The following KCNMA1 variants were observed in gnomAD, a reference collection of about 807,000 sequenced individuals.
KCNMA1 encodes the protein Calcium-activated potassium channel subunit alpha-1.
KCNMA1 carries 29 observed loss-of-function variants against 140.0 expected under a neutral mutation model. That is an observed-to-expected ratio of 0.21 (90% CI 0.15 to 0.28). KCNMA1 has a LOEUF of 0.28. KCNMA1 is among the 10% of genes least tolerant of loss of function. The probability of loss-of-function intolerance (pLI) is 1.00; values close to 1 mark genes in which losing one functional copy is unlikely to be tolerated. For synonymous variants in KCNMA1, 612 were observed against 611.9 expected, an observed-to-expected ratio of 1.00 and a Z score of 0.00; for missense variants, 880 against 1,602.2, an observed-to-expected ratio of 0.55 and a Z score of 7.70.
At chr10:77,286,502 G>A (rs1258732048) in intron 2 of KCNMA1, among the ~76,000 whole-genome samples, 1 of 152,138 alleles carries the variant, frequency 6.6e-6, no homozygotes, top group African/African-American at 2.4e-5. Flanking sequence ...CATCTCTCAC[G>A]TTGTTATCTA....
chr10:77,246,538 G>A (rs984847827), intron 3 of KCNMA1, among the ~76,000 whole-genome samples: 2 of 152,156 alleles, frequency 1.3e-5, no homozygotes, highest in Non-Finnish European at 2.9e-5. Context: ...AACTAAACCA[G>A]TTCTGCTAAA....
chr10:77,127,844 T>C (rs546680288), intron 5 of KCNMA1, among the ~76,000 whole-genome samples: 5 of 152,052 alleles, frequency 3.3e-5, no homozygotes, highest in Non-Finnish European at 5.9e-5. Flanking sequence ...TGTGGTGGTA[T>C]GTGCCTGTAA....
chr10:77,353,343 G>C (rs1267976815), intron 2 of KCNMA1, among the ~76,000 whole-genome samples: 4 of 152,008 alleles, frequency 2.6e-5, no homozygotes, highest in Non-Finnish European at 5.9e-5. Context: ...GCTCAAGAAG[G>C]ATCATATTGG....
chr10:77,503,581 A>G (rs1350348752), intron 1 of KCNMA1, among the ~76,000 whole-genome samples: 1 of 152,238 alleles, frequency 6.6e-6, no homozygotes, highest in African/African-American at 2.4e-5. Context: ...TATTTTGCCA[A>G]ATGAATTTCT....
chr10:77,079,824 G>A (rs2096518537), intron 12 of KCNMA1: 2 of 511,676 alleles, frequency 3.9e-6, no homozygotes, highest in South Asian at 2.0e-5. Context: ...ATAACCTCTA[G>A]GCCCTAGAAC....
intron 2 of KCNMA1, among the ~76,000 whole-genome samples, chr10:77,305,597 A>G (rs984077441): frequency 6.6e-6 from 1 of 152,182 alleles, no homozygotes; most frequent in Non-Finnish European, 1.5e-5. Flanking sequence ...TAGCTTACGG[A>G]AAGGACAGGC....
At chr10:77,124,633 T>C (rs1002710663) in intron 5 of KCNMA1, among the ~76,000 whole-genome samples, 3 of 152,074 alleles carry the variant, frequency 2.0e-5, no homozygotes, top group Admixed American at 1.3e-4. Context: ...TGAACAAGGG[T>C]GGCCTTTGCT....
intron 17 of KCNMA1, among the ~76,000 whole-genome samples, chr10:77,017,460 C>T (rs546404565): frequency 5.3e-5 from 8 of 152,268 alleles, no homozygotes; most frequent in South Asian, 4.1e-4. Context: ...CTTGAACAAC[C>T]GGGAGATTCT....
chr10:76,927,486 T>C (rs148296014), intron 23 of KCNMA1, among the ~76,000 whole-genome samples: 4 of 152,326 alleles, frequency 2.6e-5, no homozygotes, highest in East Asian at 1.9e-4. Context: ...ATCTCGGGCA[T>C]TGTGGGCTTT....
chr10:77,387,687 G>A (rs573724069), intron 2 of KCNMA1, among the ~76,000 whole-genome samples: 33 of 147,014 alleles, frequency 2.2e-4, no homozygotes, highest in African/African-American at 7.8e-4. Context: ...GCGTGATCTC[G>A]GCTCACTGCA....
chr10:77,418,883 T>C (rs916774581), intron 1 of KCNMA1, among the ~76,000 whole-genome samples: 4 of 152,240 alleles, frequency 2.6e-5, no homozygotes, highest in Non-Finnish European at 5.9e-5. Context: ...TCATTCAGAC[T>C]TCTCCAGGGG....
At chr10:77,584,468 C>G (rs1475692797) in intron 1 of KCNMA1, among the ~76,000 whole-genome samples, 1 of 152,196 alleles carries the variant, frequency 6.6e-6, no homozygotes, top group South Asian at 2.1e-4. Flanking sequence ...AATTCTCCTG[C>G]CTCAGCCTCC....
intron 2 of KCNMA1, among the ~76,000 whole-genome samples, chr10:77,286,280 G>A (rs2154302081): frequency 6.6e-6 from 1 of 152,070 alleles, no homozygotes; most frequent in East Asian, 1.9e-4. Context: ...CCTCGATCTT[G>A]TCACCCCAAC....
chr10:77,285,607 T>G (rs1241552428), intron 2 of KCNMA1, among the ~76,000 whole-genome samples: 1 of 152,142 alleles, frequency 6.6e-6, no homozygotes, highest in Non-Finnish European at 1.5e-5. Flanking sequence ...TCCCCCACCA[T>G]AAACTCAATT....
chr10:77,515,904 C>T (rs1218752417), intron 1 of KCNMA1, among the ~76,000 whole-genome samples: 1 of 152,182 alleles, frequency 6.6e-6, no homozygotes, highest in African/African-American at 2.4e-5. Flanking sequence ...ACTTGATTGA[C>T]CCTCACTAGC....
intron 1 of KCNMA1, chr10:77,636,124 T>A: frequency 5.8e-6 from 6 of 1,036,448 alleles, no homozygotes; most frequent in Non-Finnish European, 7.9e-6. Flanking sequence ...GGATTTCCCT[T>A]CCCTCCAAAA....
At chr10:76,993,379 C>T (rs2083309967) in intron 19 of KCNMA1, among the ~76,000 whole-genome samples, 1 of 152,196 alleles carries the variant, frequency 6.6e-6, no homozygotes, top group African/African-American at 2.4e-5. Flanking sequence ...AAGAAGGAAA[C>T]TCTAGCAAAC....
At chr10:77,012,242 T>C in intron 17 of KCNMA1, 199 bp from the exon 18 acceptor site, 1 of 1,469,058 alleles carries the variant, frequency 6.8e-7, no homozygotes, top group Non-Finnish European at 9.0e-7. Flanking sequence ...TTCTGTGATT[T>C]GAGTTAGTGC....
intron 2 of KCNMA1, among the ~76,000 whole-genome samples, chr10:77,347,064 G>C (rs113372883): frequency 0.016 from 2,512 of 152,248 alleles, 32 homozygotes; most frequent in Non-Finnish European, 0.021. Context: ...CCTTGGGTGA[G>C]TCCCTTAATC....
Sources: allele counts gnomAD v4.1 joint callset (sites outside exome capture counted in the v4.1 genomes callset), GRCh38; gene constraint gnomAD v4.1.1; transcripts MANE v1.5; gene names NCBI Gene and HGNC (gene_info 2026-07-23, HGNC 2026-07-21).